The following CERK variants were observed in gnomAD, a reference collection of about 807,000 sequenced individuals.
The protein encoded by CERK is ceramide kinase.
A neutral mutation model predicts 63.4 loss-of-function variants in CERK; 39 were observed. The observed-to-expected ratio is 0.61, with a 90% CI of 0.48 to 0.80. CERK has a LOEUF of 0.80. CERK is among the 30% of genes least tolerant of loss of function. The pLI is 0.00. For synonymous variants in CERK, 302 were observed against 280.0 expected (o/e 1.08, Z -0.78); for missense variants, 670 against 714.1 (o/e 0.94, Z 0.70).
chr22:46,722,399 T>C (rs2082896828), intron 1 of CERK, among the ~76,000 whole-genome samples: 1 of 151,934 alleles, frequency 6.6e-6, no homozygotes, highest in African/African-American at 2.4e-5. Context: ...GGAGCAGACT[T>C]GATGGGGAGG....
Position 46,685,587 on chromosome 22 carries a change from T to C in CERK, c.*1547A>G, listed in dbSNP as rs891263510. The C allele has an allele frequency of 2.0e-5, 3 of 152,200 alleles. No individual in the cohort carries two copies. Among genetic ancestry groups the C allele is most frequent in the Non-Finnish European group, 4.4e-5 (3 of 68,028 alleles). 9.4% of individuals were successfully genotyped at this position (152,200 alleles called of 1,614,324 possible). A position where few individuals can be genotyped will look rare whatever the true frequency, so the allele number is the denominator to read the frequency against. On this transcript the variant is annotated 3_prime_UTR_variant, in exon 13 of 13. Transcript: ENST00000216264. ...GTTTCTTTCCAACCAGGAGCAAACATTGGTAGAAAGAGCCAGGGCATATTT... is the reference window on the plus strand; with the variant it reads ...GTTTCTTTCCAACCAGGAGCAAACACTGGTAGAAAGAGCCAGGGCATATTT...
intron 8 of CERK, among the ~76,000 whole-genome samples, chr22:46,697,018 C>T (rs1037654786): frequency 2.6e-5 from 4 of 152,180 alleles, no homozygotes; most frequent in Non-Finnish European, 5.9e-5. Flanking sequence ...CTAATTTTCT[C>T]GGTATTCCCT....
chr22:46,714,313 A>G lies in CERK; in HGVS notation c.380-2020T>C, dbSNP rs576411627. Among the ~76,000 whole-genome samples the G allele has an allele frequency of 1.3e-5, 2 of 152,190 alleles. No individual in the cohort carries two copies. The highest frequency in any genetic ancestry group is 3.9e-4 in the East Asian group (2 of 5,178). On this transcript the variant is annotated intron_variant, in intron 3 of 12. Coordinates refer to ENST00000216264, the MANE Select transcript of CERK (RefSeq NM_022766.6). This position sits in a 1 kb window ranked among gnomAD's most constrained non-coding sequence, Gnocchi z 4.4. ...AAACAAATTAGCTGGGTGTGGTGGTATGCCCTTGTAGTCCCAGCTACTCTG... is the reference window on the plus strand; with the variant it reads ...AAACAAATTAGCTGGGTGTGGTGGTGTGCCCTTGTAGTCCCAGCTACTCTG...
chr22:46,712,494 G>A (rs2082846356), intron 3 of CERK, among the ~76,000 whole-genome samples: 1 of 152,304 alleles, frequency 6.6e-6, no homozygotes, highest in Non-Finnish European at 1.5e-5. Context: ...GTCCAACTGG[G>A]CAAAGGCTAT....
intron 9 of CERK, among the ~76,000 whole-genome samples, chr22:46,694,063 C>A (rs568765429): frequency 6.6e-6 from 1 of 152,100 alleles, no homozygotes; most frequent in East Asian, 1.9e-4. Flanking sequence ...AATGCACTGA[C>A]GCAAACAGCA....
At chr22:46,733,960 C>T (rs1019538161) in intron 1 of CERK, among the ~76,000 whole-genome samples, 13 of 151,966 alleles carry the variant, frequency 8.6e-5, no homozygotes, top group South Asian at 4.2e-4. Context: ...CACTTGAACC[C>T]GGGAGGTGGA....
chr22:46,728,740 A>T (rs1385597837), intron 1 of CERK, among the ~76,000 whole-genome samples: 1 of 152,226 alleles, frequency 6.6e-6, no homozygotes, highest in Non-Finnish European at 1.5e-5. Context: ...CGCTGGCTGG[A>T]GAGGCCAGCG....
At chr22:46,700,318 G>A (rs990034258) in intron 7 of CERK, among the ~76,000 whole-genome samples, 1 of 152,122 alleles carries the variant, frequency 6.6e-6, no homozygotes, top group Non-Finnish European at 1.5e-5. Context: ...GCTTGAACCC[G>A]GGAGGCGGAG....
At chr22:46,711,270 A>G (rs1025548454) in intron 4 of CERK, 121 bp from the exon 5 acceptor site, 9 of 740,192 alleles carry the variant, frequency 1.2e-5, no homozygotes, top group Non-Finnish European at 2.1e-5. Flanking sequence ...TTTCCTAGAT[A>G]AAATTCCCTC....
chr22:46,699,215 C>T (rs1439429096), intron 8 of CERK, 98 bp downstream of exon 8: 1 of 1,280,554 alleles, frequency 7.8e-7, no homozygotes, highest in Non-Finnish European at 1.1e-6. Flanking sequence ...AGGTGGGGGC[C>T]CACCTCTGAC....
chr22:46,702,007 T>G (rs1174260941), intron 6 of CERK, among the ~76,000 whole-genome samples: 1 of 151,772 alleles, frequency 6.6e-6, no homozygotes, highest in African/African-American at 2.4e-5. Flanking sequence ...ATGGTGAAAC[T>G]CCGACTCTAC....
At position 46,712,292 on chromosome 22, in the gene CERK, C is replaced by A; in HGVS notation, c.381G>T (p.Thr127=). The A allele has an allele frequency of 2.5e-6, 4 of 1,612,990 alleles. No homozygotes were observed. The highest frequency in any genetic ancestry group is 3.4e-6 in the Non-Finnish European group (4 of 1,179,478). The part of the protein sequence containing the change: ...QTLREMLEKL[T]SRPKHLLVFI... ...ATACCAGTAAATGCTTTGGTCTGGA[C>A]GCTGTAAGACAACAACATGTAAATA... is the stretch of plus-strand genomic sequence containing the variant. Residue 127 remains threonine, a splice_region_variant and synonymous_variant, in exon 4 of 13, where the codon ACG becomes ACT. Coordinates refer to ENST00000216264, the MANE Select transcript of CERK (RefSeq NM_022766.6).
intron 12 of CERK, among the ~76,000 whole-genome samples, 186 bp from the exon 13 acceptor site, chr22:46,687,392 G>A (rs1031757664): frequency 2.6e-5 from 4 of 152,166 alleles, no homozygotes; most frequent in Non-Finnish European, 4.4e-5. Context: ...AGACGTCACC[G>A]TGGGCTGTAG....
chr22:46,706,912 G>T (rs537365235), intron 6 of CERK, among the ~76,000 whole-genome samples: 52 of 152,276 alleles, frequency 3.4e-4, no homozygotes, highest in African/African-American at 1.1e-3. Context: ...ACTCCCTCAA[G>T]TAAACACTGG....
chr22:46,726,990 A>G (rs968476047), intron 1 of CERK, among the ~76,000 whole-genome samples: 1 of 152,180 alleles, frequency 6.6e-6, no homozygotes, highest in East Asian at 1.9e-4. Context: ...AAACCTTCTG[A>G]TTGTAAAACA....
chr22:46,699,194 C>T (rs1258458642), intron 8 of CERK, 119 bp downstream of exon 8: 8 of 1,036,596 alleles, frequency 7.7e-6, no homozygotes, highest in African/African-American at 1.6e-5. Flanking sequence ...CTTAGCTTCC[C>T]GTCTGTGAGC....
intron 9 of CERK, among the ~76,000 whole-genome samples, chr22:46,694,840 G>A (rs1231180162): frequency 6.6e-6 from 1 of 152,196 alleles, no homozygotes; most frequent in African/African-American, 2.4e-5. Flanking sequence ...CACAGTCACT[G>A]ATAAGGTGTC....
rs761799811 is a variant in CERK at position 46,687,203 on chromosome 22, G to A, written c.1545C>T (p.Val515=). The change falls in exon 13 of 13, where the codon GTC becomes GTT. Residue 515 remains valine (V), a synonymous_variant. Transcript: ENST00000216264. ...CAAAGAGTCGAACCAGCTGGCAGTG[G>A]ACTCTGCAGAGACAAGCGGCCACGT... The part of the protein sequence containing the change: ...VLHSPAIEVR[V]HCQLVRLFAR... The A allele has an allele frequency of 6.2e-7, 1 of 1,613,978 alleles. No individual in the cohort carries two copies.
At chr22:46,691,056 T>TACATACACACACACACACAC (rs1555982639) in intron 11 of CERK, among the ~76,000 whole-genome samples, 26 of 147,192 alleles carry the variant, frequency 1.8e-4, no homozygotes, top group African/African-American at 4.8e-4. Flanking sequence ...TATACATACA[T>TACATACACACACACACACAC]ACACACACAC....
Sources: allele counts gnomAD v4.1 joint callset (sites outside exome capture counted in the v4.1 genomes callset), GRCh38; gene constraint gnomAD v4.1.1; non-coding constraint Gnocchi (gnomAD v3.1); transcripts MANE v1.5; gene names NCBI Gene and HGNC (gene_info 2026-07-23, HGNC 2026-07-21).